LINGO2: variants seen among roughly 807,000 people sequenced by gnomAD.
The protein encoded by LINGO2 is leucine rich repeat and Ig domain containing 2, also known as leucine-rich repeat and immunoglobulin-like domain-containing nogo receptor-interacting protein 2.
Under a neutral mutation model 30.6 loss-of-function variants are expected in LINGO2, and 14 were observed. That is an observed-to-expected ratio of 0.46 (90% CI 0.30 to 0.72). LINGO2 has a LOEUF of 0.72. LINGO2 is among the 30% of genes least tolerant of loss of function. LINGO2 has a pLI of 0.07. For synonymous variants in LINGO2, 317 were observed against 288.5 expected (o/e 1.10, Z -1.00); for missense variants, 729 against 751.7 (o/e 0.97, Z 0.35).
At chr9:28,536,497 C>A (rs949388369) in intron 1 of LINGO2, among the ~76,000 whole-genome samples, 2 of 151,986 alleles carry the variant, frequency 1.3e-5, no homozygotes, top group Non-Finnish European at 2.9e-5. Flanking sequence ...ATGAAGACAG[C>A]CCCTTACCCA....
chr9:28,777,183 T>A, the LINGO2 span, among the ~76,000 whole-genome samples: 1 of 152,180 alleles, frequency 6.6e-6, no homozygotes, highest in African/African-American at 2.4e-5. Context: ...TCTTCATAAA[T>A]GACCCAGTCT....
the LINGO2 span, among the ~76,000 whole-genome samples, chr9:29,078,451 C>G: frequency 1.3e-5 from 2 of 151,888 alleles, no homozygotes; most frequent in Non-Finnish European, 2.9e-5. Context: ...AAAATGTCTG[C>G]CAGCACACAA....
the LINGO2 span, among the ~76,000 whole-genome samples, chr9:28,757,822 C>T: frequency 6.6e-6 from 1 of 151,992 alleles, no homozygotes; most frequent in Non-Finnish European, 1.5e-5. Context: ...CCCAAGACCT[C>T]TAAACTCTCC....
chr9:29,192,695 T>C, the LINGO2 span, among the ~76,000 whole-genome samples: 1 of 152,206 alleles, frequency 6.6e-6, no homozygotes, highest in Non-Finnish European at 1.5e-5. Context: ...AAAATATTTT[T>C]ATTTGATATT....
intron 3 of LINGO2, among the ~76,000 whole-genome samples, chr9:28,305,828 A>T (rs1824327754): frequency 6.6e-6 from 1 of 152,008 alleles, no homozygotes; most frequent in South Asian, 2.1e-4. Context: ...TCATTCATTC[A>T]TCTGGTCTTT....
Position 28,382,433 on chromosome 9 carries a change from A to G in LINGO2, c.-278-9565T>C, listed in dbSNP as rs575147373. Among the ~76,000 whole-genome samples, 6 of 152,264 alleles carry G rather than the reference A, an allele frequency of 3.9e-5. No homozygotes were observed. In the South Asian group the frequency reaches 1.2e-3, roughly 32 times the overall value. ...GATTTTAGTTAAATACCTACAACAC[A>G]TTGTGGACCATTACTAGGTGCTCAT... is the stretch of plus-strand genomic sequence containing the variant. On this transcript the variant is annotated intron_variant, in intron 2 of 5. Coordinates refer to ENST00000379992, the Ensembl canonical transcript of LINGO2.
At chr9:28,322,438 TACACACAC>T (rs61397051) in intron 3 of LINGO2, among the ~76,000 whole-genome samples, 2,239 of 150,538 alleles carry the variant, frequency 0.015, 52 homozygotes, top group African/African-American at 0.051. Context: ...AGGCACTCAG[TACACACAC>T]ACACACACAC....
the LINGO2 span, among the ~76,000 whole-genome samples, chr9:28,873,227 A>G: frequency 0.41 from 61,630 of 151,190 alleles, 14,557 homozygotes; most frequent in African/African-American, 0.67. Context: ...AAAATTAGTC[A>G]GGAGTGGTGG....
the LINGO2 span, among the ~76,000 whole-genome samples, chr9:29,177,820 T>G: frequency 6.6e-6 from 1 of 152,092 alleles, no homozygotes. Flanking sequence ...TTGAAAATTG[T>G]CCCCAAATTC....
the LINGO2 span, among the ~76,000 whole-genome samples, chr9:28,935,750 C>T: frequency 6.6e-6 from 1 of 151,826 alleles, no homozygotes; most frequent in Non-Finnish European, 1.5e-5. Flanking sequence ...AATGGCATTT[C>T]TCACTGTTGA....
chr9:28,858,381 C>T, the LINGO2 span, among the ~76,000 whole-genome samples: 2 of 151,970 alleles, frequency 1.3e-5, no homozygotes, highest in Non-Finnish European at 2.9e-5. Flanking sequence ...TTTATATGTG[C>T]TCCTGACCCC....
chr9:29,044,434 G>A, the LINGO2 span, among the ~76,000 whole-genome samples: 1 of 151,908 alleles, frequency 6.6e-6, no homozygotes, highest in African/African-American at 2.4e-5. Context: ...ATAAATAAAG[G>A]AGATAACACC....
chr9:28,177,239 G>A (rs1403992610), intron 4 of LINGO2, among the ~76,000 whole-genome samples: 1 of 152,142 alleles, frequency 6.6e-6, no homozygotes, highest in Non-Finnish European at 1.5e-5. Flanking sequence ...TTGAGTAAAT[G>A]TATGAATAGA....
At chr9:28,464,634 G>A (rs972168299) in intron 2 of LINGO2, among the ~76,000 whole-genome samples, 3 of 152,140 alleles carry the variant, frequency 2.0e-5, no homozygotes, top group Non-Finnish European at 4.4e-5. Context: ...CATAACTTCC[G>A]TATTTCCTCT....
the LINGO2 span, among the ~76,000 whole-genome samples, chr9:29,008,809 C>A: frequency 7.2e-5 from 11 of 152,084 alleles, no homozygotes; most frequent in Non-Finnish European, 1.2e-4. Context: ...CGAATTCCAG[C>A]AGCACATCAA....
chr9:28,824,067 T>G, the LINGO2 span, among the ~76,000 whole-genome samples: 8 of 152,124 alleles, frequency 5.3e-5, no homozygotes, highest in African/African-American at 1.9e-4. Context: ...ACACTAAAAT[T>G]GTAAATTTAT....
chr9:28,782,838 T>G, the LINGO2 span, among the ~76,000 whole-genome samples: 5 of 152,186 alleles, frequency 3.3e-5, no homozygotes, highest in East Asian at 5.8e-4. Context: ...TTAGGCAATT[T>G]CATCATTGTG....
intron 1 of LINGO2, among the ~76,000 whole-genome samples, chr9:28,645,653 A>C (rs1175152575): frequency 6.6e-6 from 1 of 152,134 alleles, no homozygotes; most frequent in East Asian, 1.9e-4. Context: ...GAAAAAAATA[A>C]GACAAGTAAT....
chr9:28,629,619 C>A (rs988857484), intron 1 of LINGO2, among the ~76,000 whole-genome samples: 2 of 151,968 alleles, frequency 1.3e-5, no homozygotes, highest in African/African-American at 2.4e-5. Context: ...AAGCACAGAG[C>A]CCACATCTGA....
Sources: gnomAD v4.1 joint callset for allele counts (sites outside exome capture counted in the v4.1 genomes callset) on GRCh38, gnomAD v4.1.1 for gene constraint, MANE v1.5 for transcripts, NCBI Gene and HGNC (gene_info 2026-07-23, HGNC 2026-07-21) for gene names.